PPFIA2: variants seen among roughly 807,000 people sequenced by gnomAD.
PPFIA2 encodes PPFI scaffold protein A2.
Under a neutral mutation model 175.5 loss-of-function variants are expected in PPFIA2, and 46 were observed. That is an observed-to-expected ratio of 0.26 (90% confidence interval 0.21 to 0.34). PPFIA2 has a LOEUF of 0.34. PPFIA2 is among the 10% of genes least tolerant of loss of function. PPFIA2 has a pLI of 1.00. For synonymous variants in PPFIA2, 568 were observed against 511.4 expected (o/e 1.11, Z -1.49); for missense variants, 1,179 against 1,506.1 (o/e 0.78, Z 3.60).
At chr12:81,612,457 G>T (rs2061019570) in intron 4 of PPFIA2, among the ~76,000 whole-genome samples, 1 of 151,960 alleles carries the variant, frequency 6.6e-6, no homozygotes, top group Non-Finnish European at 1.5e-5. Flanking sequence ...AGCAAGTGTT[G>T]TCAATTTTAG....
intron 3 of PPFIA2, among the ~76,000 whole-genome samples, chr12:81,701,466 T>C (rs1162817062): frequency 1.3e-5 from 2 of 152,116 alleles, no homozygotes; most frequent in Non-Finnish European, 2.9e-5. Context: ...GAAGAATTTA[T>C]GGGGTTAGAG....
intron 3 of PPFIA2, among the ~76,000 whole-genome samples, chr12:81,679,721 A>G (rs2073248770): frequency 6.6e-6 from 1 of 151,970 alleles, no homozygotes; most frequent in Admixed American, 6.6e-5. Context: ...TTGTAAAAAA[A>G]TGTTTGAGTT....
chr12:81,349,757 T>C (rs1358324516), intron 17 of PPFIA2, among the ~76,000 whole-genome samples: 1 of 152,094 alleles, frequency 6.6e-6, no homozygotes, highest in Non-Finnish European at 1.5e-5. Flanking sequence ...GGTAAGAGAG[T>C]ATATTGAAGT....
At chr12:81,707,657 C>T (rs924952727) in intron 3 of PPFIA2, among the ~76,000 whole-genome samples, 12 of 150,502 alleles carry the variant, frequency 8.0e-5, no homozygotes, top group Admixed American at 2.7e-4. Flanking sequence ...TTTGACCCAG[C>T]CATCCCATTA....
At position 81,743,411 on chromosome 12, in the gene PPFIA2, C is replaced by CAAAAAAAA. The variant is rs772497730; in HGVS notation, c.249+10554_249+10561dup. Among the ~76,000 whole-genome samples, 53 of 24,864 alleles carry CAAAAAAAA rather than the reference C, an allele frequency of 2.1e-3. 7 individuals are homozygous for CAAAAAAAA. Among genetic ancestry groups the CAAAAAAAA allele is most frequent in the Admixed American group, 2.3e-3 (3 of 1,298 alleles). 16.3% of individuals were successfully genotyped at this position (24,864 alleles called of 152,430 possible). A position where few individuals can be genotyped will look rare whatever the true frequency, so the allele number is the denominator to read the frequency against. ...CGGGCCACAGAGTGAGACTCCGTCTCAAAAAAAAAAAAAAAAAAAAAAAAA... is the reference window on the plus strand; with the variant it reads ...CGGGCCACAGAGTGAGACTCCGTCTCAAAAAAAAAAAAAAAAAAAAAAAAAAAAAAAAA... On this transcript the variant is annotated intron_variant, in intron 3 of 32. Coordinates refer to ENST00000549396, the MANE Select transcript of PPFIA2 (RefSeq NM_003625.5).
intron 3 of PPFIA2, among the ~76,000 whole-genome samples, chr12:81,753,478 G>T (rs2084160639): frequency 6.7e-6 from 1 of 148,772 alleles, no homozygotes; most frequent in South Asian, 2.1e-4. Flanking sequence ...CAAGGGAGAG[G>T]ATAATATATT....
chr12:81,349,270 G>A (rs1023291821), intron 17 of PPFIA2, among the ~76,000 whole-genome samples: 2 of 152,096 alleles, frequency 1.3e-5, no homozygotes, highest in Non-Finnish European at 2.9e-5. Context: ...AGTGATCTTT[G>A]TGATTTTAAT....
At chr12:81,509,894 T>C (rs910666244) in intron 4 of PPFIA2, among the ~76,000 whole-genome samples, 13 of 152,178 alleles carry the variant, frequency 8.5e-5, no homozygotes, top group African/African-American at 3.1e-4. Flanking sequence ...GTGAATGTTT[T>C]TGAAAGTTCA....
At chr12:81,454,931 C>T (rs1305545685) in intron 5 of PPFIA2, among the ~76,000 whole-genome samples, 2 of 152,174 alleles carry the variant, frequency 1.3e-5, no homozygotes, top group African/African-American at 2.4e-5. Flanking sequence ...TCACTGCAAT[C>T]TCACCCTCCT....
At chr12:81,559,755 ACATTT>A (rs1251335451) in intron 4 of PPFIA2, among the ~76,000 whole-genome samples, 2 of 151,866 alleles carry the variant, frequency 1.3e-5, no homozygotes, top group African/African-American at 2.4e-5. Flanking sequence ...AAGTGATTTT[ACATTT>A]CATTTATTTT....
intron 4 of PPFIA2, among the ~76,000 whole-genome samples, chr12:81,597,069 T>C (rs1483268186): frequency 2.0e-5 from 3 of 152,254 alleles, no homozygotes; most frequent in African/African-American, 7.2e-5. Context: ...CCAAGTATGG[T>C]ATAATTATAC....
At chr12:81,337,059 G>T (rs1486765250) in intron 21 of PPFIA2, among the ~76,000 whole-genome samples, 2 of 151,990 alleles carry the variant, frequency 1.3e-5, no homozygotes, top group Admixed American at 6.6e-5. Flanking sequence ...GTATCAGTGG[G>T]GCCCATGTAT....
At chr12:81,424,181 C>T (rs540285041) in intron 7 of PPFIA2, among the ~76,000 whole-genome samples, 2 of 151,882 alleles carry the variant, frequency 1.3e-5, no homozygotes, top group Non-Finnish European at 2.9e-5. Context: ...TTATTTAAAT[C>T]TCAAAACCAT....
intron 3 of PPFIA2, among the ~76,000 whole-genome samples, chr12:81,736,955 T>G (rs948210223): frequency 2.0e-5 from 3 of 151,922 alleles, no homozygotes; most frequent in African/African-American, 7.2e-5. Context: ...TTGTTGCCCA[T>G]GCTGGTATCA....
At chr12:81,676,470 C>T (rs1460956241) in intron 4 of PPFIA2, among the ~76,000 whole-genome samples, 1 of 151,818 alleles carries the variant, frequency 6.6e-6, no homozygotes, top group Non-Finnish European at 1.5e-5. Flanking sequence ...ATATTGCAAC[C>T]CAAATACTAT....
intron 4 of PPFIA2, among the ~76,000 whole-genome samples, chr12:81,634,278 C>G (rs966175331): frequency 1.3e-5 from 2 of 152,046 alleles, no homozygotes; most frequent in South Asian, 2.1e-4. Flanking sequence ...GACGTCCCCT[C>G]CATTCTTTCT....
At chr12:81,710,915 A>G (rs2077814814) in intron 3 of PPFIA2, among the ~76,000 whole-genome samples, 1 of 151,354 alleles carries the variant, frequency 6.6e-6, no homozygotes, top group Non-Finnish European at 1.5e-5. Flanking sequence ...TTCTTTAAAC[A>G]CTACTAAGGT....
chr12:81,671,242 C>G (rs1317302758), intron 4 of PPFIA2, among the ~76,000 whole-genome samples: 1 of 151,898 alleles, frequency 6.6e-6, no homozygotes, highest in Non-Finnish European at 1.5e-5. Flanking sequence ...CTTGACTTCT[C>G]AATAGGCCTC....
chr12:81,624,899 A>C (rs1250415981), intron 4 of PPFIA2, among the ~76,000 whole-genome samples: 2 of 151,390 alleles, frequency 1.3e-5, no homozygotes, highest in Non-Finnish European at 3.0e-5. Flanking sequence ...GGGAACAGGC[A>C]CACTAAAATC....
Sources: gnomAD v4.1 joint callset for allele counts (sites outside exome capture counted in the v4.1 genomes callset) on GRCh38, gnomAD v4.1.1 for gene constraint, MANE v1.5 for transcripts, NCBI Gene and HGNC (gene_info 2026-07-23, HGNC 2026-07-21) for gene names.